RHAG: variants seen among roughly 807,000 people sequenced by gnomAD.
RHAG encodes Rh associated glycoprotein.
In RHAG, 25 loss-of-function variants were observed where a neutral mutation model predicts 42.4. The observed-to-expected ratio is 0.59, with a 90% CI of 0.43 to 0.82. The LOEUF (loss-of-function observed/expected upper bound fraction) is 0.82. RHAG is among the 40% of genes least tolerant of loss of function. The probability of loss-of-function intolerance (pLI) is 0.00; values close to 1 mark genes in which losing one functional copy is unlikely to be tolerated. For synonymous variants in RHAG, 182 were observed against 177.7 expected, an observed-to-expected ratio of 1.02 and a Z score of -0.19; for missense variants, 483 against 504.6, an observed-to-expected ratio of 0.96 and a Z score of 0.41.
chr6:49,629,613 G>A (rs1330124617), intron 1 of RHAG, among the ~76,000 whole-genome samples: 3 of 152,138 alleles, frequency 2.0e-5, no homozygotes, highest in African/African-American at 7.2e-5. Context: ...GCGTTCATCG[G>A]GGAGGCTCGG....
chr6:49,616,487 A>G (rs904849607), intron 3 of RHAG, among the ~76,000 whole-genome samples: 6 of 152,072 alleles, frequency 3.9e-5, no homozygotes, highest in Admixed American at 3.3e-4. Flanking sequence ...GTTTTTACCC[A>G]TATTTTTTTA....
At chr6:49,618,835 T>C (rs1038487396) in intron 2 of RHAG, among the ~76,000 whole-genome samples, 7 of 152,146 alleles carry the variant, frequency 4.6e-5, no homozygotes, top group Non-Finnish European at 8.8e-5. Flanking sequence ...TATAACAAAA[T>C]ACCATAAACT....
chr6:49,615,279 C>T (rs1007155243), intron 4 of RHAG: 2 of 272,896 alleles, frequency 7.3e-6, no homozygotes, highest in Non-Finnish European at 7.0e-6. Flanking sequence ...TGGCCACTGA[C>T]AATGTCTCTG....
chr6:49,623,427 T>C (rs1762795927), intron 1 of RHAG, among the ~76,000 whole-genome samples: 2 of 152,216 alleles, frequency 1.3e-5, no homozygotes, highest in African/African-American at 4.8e-5. Context: ...GCCACAACTA[T>C]AGTTGTGTGG....
chr6:49,608,431 G>A (rs1406828717), intron 7 of RHAG, among the ~76,000 whole-genome samples: 2 of 151,926 alleles, frequency 1.3e-5, no homozygotes, highest in Non-Finnish European at 2.9e-5. Context: ...CCAGGCTAGA[G>A]TGAAGTGAGG....
At chr6:49,613,075 T>TC (rs1762593761) in intron 5 of RHAG, among the ~76,000 whole-genome samples, 1 of 151,788 alleles carries the variant, frequency 6.6e-6, no homozygotes, top group South Asian at 2.1e-4. Flanking sequence ...ACTGATTTTT[T>TC]TTTTTTTTTT....
intron 6 of RHAG, among the ~76,000 whole-genome samples, chr6:49,612,040 T>C (rs1762577597): frequency 6.6e-6 from 1 of 152,108 alleles, no homozygotes; most frequent in Non-Finnish European, 1.5e-5. Context: ...TGAGCCACCA[T>C]GCTTGGCCGA....
chr6:49,629,666 C>T (rs894445769), intron 1 of RHAG, among the ~76,000 whole-genome samples: 13 of 152,264 alleles, frequency 8.5e-5, no homozygotes, highest in East Asian at 1.9e-4. Flanking sequence ...TCAGGCATGG[C>T]GGGCTGCAGG....
Position 49,631,827 on chromosome 6 carries a change from T to C in RHAG, c.157+4829A>G, listed in dbSNP as rs547026130. The C allele has an allele frequency of 3.3e-5, 5 of 152,374 alleles. No homozygotes were observed. In the East Asian group the frequency reaches 7.7e-4, roughly 23 times the overall value. 9.4% of individuals were successfully genotyped at this position (152,374 alleles called of 1,614,324 possible). A position where few individuals can be genotyped will look rare whatever the true frequency, so the allele number is the denominator to read the frequency against. ...AGGTCATATATTACAGACAGTATAT[T>C]AATTCAGTTATCATGACAATTCCAG... On this transcript the variant is annotated intron_variant, in intron 1 of 9. Coordinates refer to ENST00000371175, the MANE Select transcript of RHAG (RefSeq NM_000324.3).
intron 1 of RHAG, among the ~76,000 whole-genome samples, chr6:49,627,862 A>T (rs576330830): frequency 6.6e-6 from 1 of 152,074 alleles, no homozygotes; most frequent in East Asian, 1.9e-4. Context: ...TCATGATTCA[A>T]TTACCTTCCA....
Position 49,606,926 on chromosome 6 carries a change from G to A in RHAG, c.1139-5C>T. On this transcript the variant is annotated splice_polypyrimidine_tract_variant and splice_region_variant and intron_variant, in intron 8 of 9. Transcript: ENST00000371175. ...GAGGCAACTTTAGAATTAAACCTGT[G>A]ACGGTAGAGGGAAAATGAGTCATGT... 2 of 1,602,990 alleles carry A rather than the reference G, an allele frequency of 1.2e-6. No homozygotes were observed. The highest frequency in any genetic ancestry group is 2.2e-5 in the South Asian group (2 of 90,842).
chr6:49,605,872 A>G, intron 9 of RHAG, 42 bp from the exon 10 acceptor site: 1 of 1,540,466 alleles, frequency 6.5e-7, no homozygotes, highest in Non-Finnish European at 9.0e-7. Flanking sequence ...AGTTTATTTC[A>G]CTGTTCTTGT....
In RHAG at chr6:49,611,099, T is replaced by C. The variant is rs759695415; in HGVS notation, c.992A>G (p.His331Arg). ...TACACCAGGTAAGCCGTGGAGGTTA[T>C]GGACCCCACATGTATCATGGATCCT... The part of the protein sequence containing the change: ...KLRIHDTCGV[H>R]NLHGLPGVVG... Residue 331 changes from histidine (H) to arginine (R), a missense_variant, in exon 7 of 10, where the codon CAT becomes CGT. Transcript: ENST00000371175. The C allele has an allele frequency of 1.2e-6, 2 of 1,613,882 alleles. No homozygotes were observed. Among genetic ancestry groups the C allele is most frequent in the Non-Finnish European group, 1.7e-6 (2 of 1,179,854 alleles).
intron 1 of RHAG, among the ~76,000 whole-genome samples, chr6:49,626,836 G>A (rs1762851893): frequency 6.6e-6 from 1 of 152,214 alleles, no homozygotes; most frequent in South Asian, 2.1e-4. Context: ...CTTGACTTCT[G>A]TGCTCCCACA....
chr6:49,622,296 A>C (rs1762770810), intron 1 of RHAG, among the ~76,000 whole-genome samples: 1 of 150,022 alleles, frequency 6.7e-6, no homozygotes, highest in South Asian at 2.1e-4. Flanking sequence ...GGCTCACTGC[A>C]AGCTCCACCT....
intron 4 of RHAG, chr6:49,615,230 G>T: frequency 3.5e-6 from 1 of 282,484 alleles, no homozygotes; most frequent in Non-Finnish European, 6.8e-6. Context: ...GATTACAGGC[G>T]TGAGCCACCA....
At chr6:49,613,305 G>A (rs1762597251) in intron 5 of RHAG, among the ~76,000 whole-genome samples, 1 of 152,096 alleles carries the variant, frequency 6.6e-6, no homozygotes, top group Admixed American at 6.6e-5. Context: ...CCTGACCTCA[G>A]GTGATCCACC....
chr6:49,627,828 G>T (rs955326598), intron 1 of RHAG, among the ~76,000 whole-genome samples: 16 of 151,952 alleles, frequency 1.1e-4, no homozygotes, highest in African/African-American at 3.9e-4. Flanking sequence ...CCTATCACAA[G>T]AACAGCACAG....
rs34416373 is a variant in RHAG at position 49,616,354 on chromosome 6, CAAAAAAA to C, written c.493-590_493-584del. 1.3e-3 allele frequency among the ~76,000 whole-genome samples: 136 copies of C among 108,800 alleles called. 1 individual carries two copies. The highest frequency in any genetic ancestry group is 5.4e-3 in the African/African-American group (132 of 24,460). 71.4% of individuals were successfully genotyped at this position (108,800 alleles called of 152,430 possible). On this transcript the variant is annotated intron_variant, in intron 3 of 9. Coordinates refer to ENST00000371175, the MANE Select transcript of RHAG (RefSeq NM_000324.3). The stretch of plus-strand genomic sequence containing the variant: ...GACAAAGCAAGAACTAATCTCAAAC[CAAAAAAA>C]AAAAAAAAAAAAAAGATACTGCTTG...
Sources: gnomAD v4.1 joint callset for allele counts (sites outside exome capture counted in the v4.1 genomes callset) on GRCh38, gnomAD v4.1.1 for gene constraint, MANE v1.5 for transcripts, NCBI Gene and HGNC (gene_info 2026-07-23, HGNC 2026-07-21) for gene names.